Variants in MEF2C observed in about 807,000 individuals in gnomAD.
MEF2C encodes myocyte-specific enhancer factor 2C.
Under a neutral mutation model 50.5 loss-of-function variants are expected in MEF2C, and 6 were observed. That is an observed-to-expected ratio of 0.12 (90% CI 0.07 to 0.23). The LOEUF (loss-of-function observed/expected upper bound fraction) is 0.23, where lower values mean the gene tolerates loss of function less well. Ranked by LOEUF, MEF2C falls within the 10% of genes least tolerant of loss-of-function variation. MEF2C has a pLI of 1.00. For missense variants in MEF2C, 276 were observed against 605.0 expected, an observed-to-expected ratio of 0.46 and a Z score of 5.70; for synonymous variants, 183 against 228.0, an observed-to-expected ratio of 0.80 and a Z score of 1.78.
chr5:88,778,961 G>A (rs1007220082), intron 3 of MEF2C, among the ~76,000 whole-genome samples: 4 of 152,226 alleles, frequency 2.6e-5, no homozygotes, highest in Non-Finnish European at 5.9e-5. Context: ...CTCTGCTTCC[G>A]CAGTAGCGGA....
chr5:88,872,164 A>G (rs986067846), intron 1 of MEF2C, among the ~76,000 whole-genome samples: 13 of 152,168 alleles, frequency 8.5e-5, no homozygotes, highest in Non-Finnish European at 1.8e-4. Flanking sequence ...ACAAAAGTGG[A>G]TAATACTAAG....
chr5:88,894,887 A>G (rs1171303208), intron 1 of MEF2C, among the ~76,000 whole-genome samples: 2 of 152,192 alleles, frequency 1.3e-5, no homozygotes, highest in Non-Finnish European at 2.9e-5. Context: ...GAGGGTAACT[A>G]GGAAACTCTG....
intron 2 of MEF2C, among the ~76,000 whole-genome samples, chr5:88,812,603 A>C (rs1803352211): frequency 7.0e-6 from 1 of 143,682 alleles, no homozygotes; most frequent in Non-Finnish European, 1.5e-5. Flanking sequence ...CTTATTTGAT[A>C]ATTTTTTCTA....
chr5:88,749,157 A>G, intron 5 of MEF2C, 40 bp from the exon 6 acceptor site: 3 of 1,533,766 alleles, frequency 2.0e-6, no homozygotes, highest in Non-Finnish European at 2.6e-6. Flanking sequence ...GAAAGGCTAA[A>G]GGCCCACAGA....
Position 88,804,861 on chromosome 5 carries a change from T to A in MEF2C, c.55-60A>T, listed in dbSNP as rs1409491788. 2.1e-6 allele frequency: 3 copies of A among 1,404,802 alleles called. No individual in the cohort carries two copies. The Admixed American group carries it at 6.1e-5, about 29-fold the overall frequency. The allele number at this position is 1,404,802 out of a possible 1,614,324, so 87.0% of individuals were successfully genotyped here. A position where few individuals can be genotyped will look rare whatever the true frequency, so the allele number is the denominator to read the frequency against. On this transcript the variant is annotated intron_variant, in intron 2 of 10. Transcript: ENST00000504921. ...AATATTCATGCATGTGTGGTTTTTT[T>A]CTTTTCTTTTTTCTTTTCCTTCACA...
At chr5:88,774,334 C>CT (rs1245940664) in intron 3 of MEF2C, among the ~76,000 whole-genome samples, 1 of 112,952 alleles carries the variant, frequency 8.9e-6, no homozygotes, top group Non-Finnish European at 2.3e-5. Context: ...AAGTTTCTAC[C>CT]TCTTTTTTTT....
chr5:88,860,744 C>T (rs1248619036), intron 1 of MEF2C, among the ~76,000 whole-genome samples: 1 of 152,126 alleles, frequency 6.6e-6, no homozygotes, highest in Non-Finnish European at 1.5e-5. Context: ...GTTGGCATGA[C>T]CTAATTCTGG....
Position 88,720,118 on chromosome 5 carries a change from T to C in MEF2C, c.*2486A>G, listed in dbSNP as rs1193446054. 6.6e-6 allele frequency: 1 copy of C among 152,168 alleles called. No homozygotes were observed. The highest frequency in any genetic ancestry group is 1.5e-5 in the Non-Finnish European group (1 of 68,004). 9.4% of individuals were successfully genotyped at this position (152,168 alleles called of 1,614,324 possible). On this transcript the variant is annotated 3_prime_UTR_variant, in exon 11 of 11. Coordinates refer to ENST00000504921, the MANE Select transcript of MEF2C (RefSeq NM_002397.5). ...ATGACAAAGAACATTTGTGAAATGT[T>C]TGCATATTTTATACACATCAAGTTA...
intron 3 of MEF2C, among the ~76,000 whole-genome samples, chr5:88,779,862 GCA>G (rs1202606989): frequency 1.3e-5 from 2 of 151,592 alleles, no homozygotes; most frequent in Non-Finnish European, 2.9e-5. Context: ...TGCAGGCCAG[GCA>G]CAGTGTCTCA....
At chr5:88,857,038 A>T (rs939667593) in intron 1 of MEF2C, among the ~76,000 whole-genome samples, 11 of 152,334 alleles carry the variant, frequency 7.2e-5, no homozygotes, top group African/African-American at 2.2e-4. Flanking sequence ...CCAGCCTGAG[A>T]AAGCAGCCAG....
chr5:88,809,835 A>G (rs1802037115), intron 2 of MEF2C, among the ~76,000 whole-genome samples: 1 of 152,194 alleles, frequency 6.6e-6, no homozygotes, highest in Non-Finnish European at 1.5e-5. Context: ...GGATGCACCC[A>G]TCACGCTGTA....
intron 3 of MEF2C, among the ~76,000 whole-genome samples, chr5:88,802,377 G>T (rs1798722816): frequency 6.6e-6 from 1 of 152,176 alleles, no homozygotes; most frequent in African/African-American, 2.4e-5. Flanking sequence ...ATTTAAAGAA[G>T]TCTGACTTTC....
chr5:88,775,138 TA>T (rs1393652711), intron 3 of MEF2C, among the ~76,000 whole-genome samples: 1 of 152,196 alleles, frequency 6.6e-6, no homozygotes, highest in African/African-American at 2.4e-5. Context: ...ACCAGAAAAA[TA>T]ATCAGAGTAT....
intron 3 of MEF2C, among the ~76,000 whole-genome samples, chr5:88,784,707 A>G (rs1425467077): frequency 6.6e-6 from 1 of 152,260 alleles, no homozygotes; most frequent in Non-Finnish European, 1.5e-5. Context: ...CCTGCATGGT[A>G]CAAATGACTC....
intron 1 of MEF2C, among the ~76,000 whole-genome samples, chr5:88,852,631 C>T (rs892752151): frequency 5.9e-5 from 9 of 151,984 alleles, no homozygotes; most frequent in African/African-American, 1.9e-4. Flanking sequence ...AACACTTTGG[C>T]AGGCCAAGGT....
chr5:88,792,234 AGTT>A, intron 3 of MEF2C, among the ~76,000 whole-genome samples: 1 of 152,156 alleles, frequency 6.6e-6, no homozygotes, highest in Admixed American at 6.6e-5. Context: ...ACAAGCTTCA[AGTT>A]AAAAAAAAAT....
intron 1 of MEF2C, among the ~76,000 whole-genome samples, chr5:88,897,664 T>C (rs1835253728): frequency 6.6e-6 from 1 of 152,224 alleles, no homozygotes; most frequent in African/African-American, 2.4e-5. Flanking sequence ...CCAGTCTACA[T>C]AAGATAATTA....
intron 1 of MEF2C, among the ~76,000 whole-genome samples, chr5:88,868,145 T>G (rs1828017791): frequency 6.6e-6 from 1 of 152,160 alleles, no homozygotes; most frequent in Admixed American, 6.5e-5. Context: ...GGCCCCACGG[T>G]GCATATCCTG....
intron 1 of MEF2C, among the ~76,000 whole-genome samples, chr5:88,839,049 A>T (rs1816269590): frequency 1.3e-5 from 2 of 152,296 alleles, no homozygotes; most frequent in African/African-American, 4.8e-5. Context: ...ATTTTGGTGC[A>T]TTATAGAAGT....
Sources: gnomAD v4.1 joint callset for allele counts (sites outside exome capture counted in the v4.1 genomes callset) on GRCh38, gnomAD v4.1.1 for gene constraint, MANE v1.5 for transcripts, NCBI Gene and HGNC (gene_info 2026-07-23, HGNC 2026-07-21) for gene names.